The following PDE4D variants were observed in gnomAD, a reference collection of about 807,000 sequenced individuals.
The protein encoded by PDE4D is phosphodiesterase 4D.
A neutral mutation model predicts 87.4 loss-of-function variants in PDE4D; 24 were observed. That is an observed-to-expected ratio of 0.27 (90% CI 0.20 to 0.39). The LOEUF is 0.39. Ranked by LOEUF, PDE4D falls within the 10% of genes least tolerant of loss-of-function variation. The probability of loss-of-function intolerance (pLI) is 1.00; values close to 1 mark genes in which losing one functional copy is unlikely to be tolerated. For synonymous variants in PDE4D, 384 were observed against 383.2 expected (o/e 1.00, Z -0.02); for missense variants, 714 against 1,041.0 (o/e 0.69, Z 4.32).
intron 2 of PDE4D, among the ~76,000 whole-genome samples, chr5:60,127,288 G>A (rs573855695): frequency 1.6e-4 from 24 of 152,148 alleles, no homozygotes; most frequent in Non-Finnish European, 2.9e-4. Context: ...CAAAAATGAC[G>A]TTAATAGTCT....
At chr5:59,518,614 G>A (rs1811611743) in intron 1 of PDE4D, among the ~76,000 whole-genome samples, 1 of 152,090 alleles carries the variant, frequency 6.6e-6, no homozygotes, top group African/African-American at 2.4e-5. Context: ...TAAACAACAG[G>A]AATGAAAGAG....
chr5:59,373,033 T>G (rs1011103999), intron 1 of PDE4D, among the ~76,000 whole-genome samples: 4 of 151,568 alleles, frequency 2.6e-5, no homozygotes, highest in Admixed American at 2.0e-4. Context: ...CATTCAAATG[T>G]CAGCAACCTC....
chr5:60,204,014 A>G (rs575338632), intron 1 of PDE4D, among the ~76,000 whole-genome samples: 1 of 152,356 alleles, frequency 6.6e-6, no homozygotes, highest in South Asian at 2.1e-4. Context: ...CATCTTTAAG[A>G]TGCAAAGTTT....
intron 1 of PDE4D, among the ~76,000 whole-genome samples, chr5:60,216,027 A>G (rs1743818238): frequency 2.0e-5 from 3 of 152,162 alleles, no homozygotes; most frequent in Admixed American, 6.6e-5. Flanking sequence ...GGAATTAAAC[A>G]TGAATTACTA....
intron 1 of PDE4D, among the ~76,000 whole-genome samples, chr5:59,358,705 G>A (rs6897015): frequency 6.6e-6 from 1 of 151,802 alleles, no homozygotes; most frequent in Admixed American, 6.6e-5. Flanking sequence ...GTCCCTAACA[G>A]CTGGTGGGGT....
chr5:59,189,254 T>TTG lies in PDE4D; in HGVS notation c.685-3993_685-3992insCA, dbSNP rs1554092794. Among the ~76,000 whole-genome samples the TTG allele has an allele frequency of 1.5e-3, 89 of 57,772 alleles. 1 individual carries two copies. Among genetic ancestry groups the TTG allele is most frequent in the Admixed American group, 5.1e-3 (26 of 5,108 alleles). 37.9% of individuals were successfully genotyped at this position (57,772 alleles called of 152,430 possible). A position where few individuals can be genotyped will look rare whatever the true frequency, so the allele number is the denominator to read the frequency against. Reference sequence around the variant, plus strand: ...CCCGTTTTTTTTTTTGTTTTTTTTGTTTTTTTTTTTTTGAGACGGAGTTTT... The same window carrying TTG: ...CCCGTTTTTTTTTTTGTTTTTTTTGTTGTTTTTTTTTTTTGAGACGGAGTTTT... On this transcript the variant is annotated intron_variant, in intron 3 of 14. Transcript: ENST00000340635.
intron 3 of PDE4D, among the ~76,000 whole-genome samples, chr5:59,976,200 G>T (rs1448549084): frequency 6.6e-6 from 1 of 152,148 alleles, no homozygotes; most frequent in Non-Finnish European, 1.5e-5. Flanking sequence ...TCCCTTGCAT[G>T]TATGATTTTA....
At chr5:60,474,397 C>A (rs1748148986) in intron 1 of PDE4D, among the ~76,000 whole-genome samples, 1 of 151,470 alleles carries the variant, frequency 6.6e-6, no homozygotes, top group Non-Finnish European at 1.5e-5. Flanking sequence ...CCTCCCAAAC[C>A]CCCTCTTAAT....
At chr5:60,030,652 T>C (rs1767146124) in intron 2 of PDE4D, among the ~76,000 whole-genome samples, 1 of 152,212 alleles carries the variant, frequency 6.6e-6, no homozygotes, top group Non-Finnish European at 1.5e-5. Flanking sequence ...CGCTCCCTAT[T>C]ATATTTCAAC....
In PDE4D at chr5:59,031,411, T is replaced by A. The variant is rs914656391; in HGVS notation, c.921+7448A>T. Among the ~76,000 whole-genome samples, 8 of 99,564 alleles carry A rather than the reference T, an allele frequency of 8.0e-5. No individual in the cohort carries two copies. In the South Asian group the frequency reaches 2.3e-3, roughly 29 times the overall value. The allele number at this position is 99,564 out of a possible 152,430, so 65.3% of individuals were successfully genotyped here. On this transcript the variant is annotated intron_variant, in intron 6 of 14. Transcript: ENST00000340635. ...TATATATTATATATATATATATATA[T>A]ATATAGATTATACAGGCCGGGCGCA...
At chr5:59,150,755 T>C (rs16889280) in intron 5 of PDE4D, among the ~76,000 whole-genome samples, 41,473 of 152,036 alleles carry the variant, frequency 0.27, 5,842 homozygotes, top group East Asian at 0.42. Context: ...TCATTGTATT[T>C]GTAAATTTGT....
intron 1 of PDE4D, among the ~76,000 whole-genome samples, chr5:60,486,685 T>C (rs951669542): frequency 1.3e-5 from 2 of 152,230 alleles, no homozygotes; most frequent in East Asian, 3.8e-4. Context: ...CTAATGTTAT[T>C]TTTATAGGAA....
intron 1 of PDE4D, among the ~76,000 whole-genome samples, chr5:59,842,014 G>A (rs911272303): frequency 6.6e-6 from 1 of 151,908 alleles, no homozygotes; most frequent in African/African-American, 2.4e-5. Context: ...ATGTTGGAAT[G>A]GTTTCTAGGA....
chr5:60,486,007 A>G (rs1303835112), intron 1 of PDE4D, among the ~76,000 whole-genome samples: 1 of 152,236 alleles, frequency 6.6e-6, no homozygotes, highest in Non-Finnish European at 1.5e-5. Flanking sequence ...ATTCATCTCA[A>G]TAAGAGCCCA....
At chr5:59,193,381 A>T (rs1424377235) in intron 3 of PDE4D, 119 bp downstream of exon 3, 1 of 968,906 alleles carries the variant, frequency 1.0e-6, no homozygotes, top group East Asian at 2.6e-5. Flanking sequence ...ATGAACCAAG[A>T]ATTTGTATTT....
chr5:59,230,214 G>C (rs1055590906), intron 1 of PDE4D, among the ~76,000 whole-genome samples: 1 of 151,448 alleles, frequency 6.6e-6, no homozygotes, highest in Non-Finnish European at 1.5e-5. Flanking sequence ...AATTTTCAAA[G>C]CTTACTCATA....
intron 1 of PDE4D, among the ~76,000 whole-genome samples, chr5:60,354,395 G>T (rs910941058): frequency 1.3e-5 from 2 of 152,210 alleles, no homozygotes; most frequent in Non-Finnish European, 2.9e-5. Context: ...TTAAAGTTAA[G>T]TTTGGCACAC....
intron 1 of PDE4D, among the ~76,000 whole-genome samples, chr5:59,253,449 T>C (rs1456683956): frequency 6.6e-6 from 1 of 152,142 alleles, no homozygotes; most frequent in Non-Finnish European, 1.5e-5. Context: ...GGAGCATCTT[T>C]ATTACTTCCA....
chr5:59,669,463 C>CAAAATAAATATT (rs1255943197), intron 1 of PDE4D, among the ~76,000 whole-genome samples: 25 of 152,138 alleles, frequency 1.6e-4, no homozygotes, highest in Admixed American at 1.6e-3. Context: ...ATGTATAATT[C>CAAAATAAATATT]AAAATAAATA....
Sources: gnomAD v4.1 joint callset for allele counts (sites outside exome capture counted in the v4.1 genomes callset) on GRCh38, gnomAD v4.1.1 for gene constraint, MANE v1.5 for transcripts, NCBI Gene and HGNC (gene_info 2026-07-23, HGNC 2026-07-21) for gene names.